CORO1A: variants seen among roughly 807,000 people sequenced by gnomAD.
The protein encoded by CORO1A is coronin 1A.
CORO1A carries 17 observed loss-of-function variants against 44.1 expected under a neutral mutation model. The ratio of observed to expected loss-of-function variants is 0.39; its 90% CI spans 0.26 to 0.58. The LOEUF (loss-of-function observed/expected upper bound fraction) is 0.58, where lower values mean the gene tolerates loss of function less well. Ranked by LOEUF, CORO1A falls within the 20% of genes least tolerant of loss-of-function variation. The pLI is 0.62. For missense variants in CORO1A, 415 were observed against 606.5 expected, an observed-to-expected ratio of 0.68 and a Z score of 3.32; for synonymous variants, 271 against 244.2, an observed-to-expected ratio of 1.11 and a Z score of -1.02.
At chr16:30,185,471 T>C in intron 2 of CORO1A, 64 bp downstream of exon 2, 1 of 1,466,658 alleles carries the variant, frequency 6.8e-7, no homozygotes, top group South Asian at 1.2e-5. Flanking sequence ...GTGCAGGTCC[T>C]GATTAGGTGA....
chr16:30,189,054 TA>T lies in CORO1A; in HGVS notation c.*94del. The T allele has an allele frequency of 7.8e-6, 1 of 128,836 alleles. No homozygotes were observed. The highest frequency in any genetic ancestry group is 1.3e-5 in the Non-Finnish European group (1 of 74,634). 8.0% of individuals were successfully genotyped at this position (128,836 alleles called of 1,614,324 possible). A position where few individuals can be genotyped will look rare whatever the true frequency, so the allele number is the denominator to read the frequency against. ...CACATGGCAGAGAAAAAAATCATAA[TA>T]AAATGGCTTTATTTTCTGGTACCTC... On this transcript the variant is annotated 3_prime_UTR_variant, in exon 11 of 11. Coordinates refer to ENST00000219150, the MANE Select transcript of CORO1A (RefSeq NM_007074.4).
chr16:30,186,892 G>A lies in CORO1A; in HGVS notation c.398G>A (p.Arg133His), dbSNP rs529431628. The stretch of plus-strand genomic sequence containing the variant: ...GTCACCCTGGAGGGCCACACCAAGC[G>A]TGTGGGCATTGTGGCCTGGCACACC... ...PVVTLEGHTK[R>H]VGIVAWHTTA... Residue 133 changes from arginine to histidine, a missense_variant, in exon 4 of 11, where the codon CGT becomes CAT. By Grantham distance (29) the Arg-to-His change is conservative. Transcript: ENST00000219150. 4 of 1,612,466 alleles carry A rather than the reference G, an allele frequency of 2.5e-6. No individual in the cohort carries two copies. Among genetic ancestry groups the A allele is most frequent in the Non-Finnish European group, 3.4e-6 (4 of 1,180,030 alleles).
chr16:30,186,278 A>C, intron 2 of CORO1A: 1 of 395,858 alleles, frequency 2.5e-6, no homozygotes, highest in Non-Finnish European at 4.8e-6. Flanking sequence ...TGCCCATGGA[A>C]GCCTCACTCG....
chr16:30,186,185 C>A, intron 2 of CORO1A: 1 of 307,042 alleles, frequency 3.3e-6, no homozygotes, highest in Non-Finnish European at 6.4e-6. Context: ...ACCCCTGCAG[C>A]CCCACCACTC....
Position 30,188,382 on chromosome 16 carries a change from C to T in CORO1A, c.1087C>T (p.Leu363=). 8 of 1,613,872 alleles carry T rather than the reference C, an allele frequency of 5.0e-6. No homozygotes were observed. Among genetic ancestry groups the T allele is most frequent in the Non-Finnish European group, 5.9e-6 (7 of 1,180,028 alleles). Residue 363 remains leucine, a synonymous_variant, in exon 10 of 11, where the codon CTG becomes TTG. Transcript: ENST00000219150. ...ACAGTCGGACCTGTTCCAGGAGGACCTGTACCCACCCACCGCAGGGCCCGA... is the reference window on the plus strand; with the variant it reads ...ACAGTCGGACCTGTTCCAGGAGGACTTGTACCCACCCACCGCAGGGCCCGA... ...PRKSDLFQED[L]YPPTAGPDPA... is the part of the protein sequence containing the mutation.
chr16:30,187,560 C>T (rs781043486), intron 6 of CORO1A, 59 bp downstream of exon 6: 60 of 1,565,816 alleles, frequency 3.8e-5, no homozygotes, highest in Middle Eastern at 1.7e-4. Flanking sequence ...CTGGAGGTTT[C>T]GTCCCTGCTC....
At position 30,186,905 on chromosome 16, in the gene CORO1A, G is replaced by A. The variant is rs2073342240; in HGVS notation, c.411G>A (p.Val137=). The A allele has an allele frequency of 2.5e-6, 4 of 1,612,580 alleles. No individual in the cohort carries two copies. The highest frequency in any genetic ancestry group is 1.3e-5 in the African/African-American group (1 of 74,928). ...GCCACACCAAGCGTGTGGGCATTGTGGCCTGGCACACCACAGCCCAGAACG... is the reference window on the plus strand; with the variant it reads ...GCCACACCAAGCGTGTGGGCATTGTAGCCTGGCACACCACAGCCCAGAACG... ...LEGHTKRVGI[V]AWHTTAQNVL... is the part of the protein sequence containing the mutation. The change falls in exon 4 of 11, where the codon GTG becomes GTA. Residue 137 remains valine (V), a synonymous_variant. Coordinates refer to ENST00000219150, the MANE Select transcript of CORO1A (RefSeq NM_007074.4).
chr16:30,185,120 G>A (rs993730856), intron 1 of CORO1A, 89 bp from the exon 2 acceptor site: 10 of 1,341,020 alleles, frequency 7.5e-6, no homozygotes, highest in Non-Finnish European at 1.1e-5. Context: ...TTAAAAGCCA[G>A]ACTGAGGGGT....
intron 2 of CORO1A, chr16:30,185,608 C>T: frequency 1.6e-6 from 1 of 607,056 alleles, no homozygotes; most frequent in Non-Finnish European, 2.9e-6. Flanking sequence ...AAGGAGCCAA[C>T]ACAAGATGGG....
In CORO1A at chr16:30,188,911, C is replaced by T; in HGVS notation, c.1333C>T (p.Gln445Ter). 1 of 323,256 alleles carries T rather than the reference C, an allele frequency of 3.1e-6. No homozygotes were observed. The allele number at this position is 323,256 out of a possible 1,614,324, so 20.0% of individuals were successfully genotyped here. ...GATGCGGAAGCTCCAGGCCACGGTG[C>T]AGGAGCTCCAGAAGCGCTTGGACAG... ...EEMRKLQATV[Q>*]ELQKRLDRLE... The change falls in exon 11 of 11, where the codon CAG becomes TAG. Residue 445 changes from glutamine (Q) to a stop codon, truncating the protein, a stop_gained. Coordinates refer to ENST00000219150, the MANE Select transcript of CORO1A (RefSeq NM_007074.4). LOFTEE classifies it high-confidence loss of function.
At position 30,188,442 on chromosome 16, in the gene CORO1A, CG is replaced by C; in HGVS notation, c.1150del (p.Asp384MetfsTer21). ...CACGGCTGAGGAGTGGCTGGGGGGT[CG>C]GGATGCTGGGCCCCTCCTCATCTCC... ...ALTAEEWLGG[R>X]DAGPLLISLK... On this transcript the variant is annotated frameshift_variant, in exon 10 of 11. Transcript: ENST00000219150. LOFTEE classifies it high-confidence loss of function. The C allele has an allele frequency of 6.2e-7, 1 of 1,613,388 alleles. No individual in the cohort carries two copies. The highest frequency in any genetic ancestry group is 8.5e-7 in the Non-Finnish European group (1 of 1,179,968).
chr16:30,184,158 G>A lies in CORO1A; in HGVS notation c.-2+433G>A, dbSNP rs748616446. 1 of 152,516 alleles carries A rather than the reference G, an allele frequency of 6.6e-6. No individual in the cohort carries two copies. The allele number at this position is 152,516 out of a possible 1,614,324, so 9.4% of individuals were successfully genotyped here. Reference sequence around the variant, plus strand: ...TTTCCGGGCCTGGTACCTGTGGTGGGGGAGGAGGCAGGGTGGGGCGATGGC... The same window carrying A: ...TTTCCGGGCCTGGTACCTGTGGTGGAGGAGGAGGCAGGGTGGGGCGATGGC... On this transcript the variant is annotated intron_variant, in intron 1 of 10. Coordinates refer to ENST00000219150, the MANE Select transcript of CORO1A (RefSeq NM_007074.4). This position sits in a 1 kb window ranked among gnomAD's most constrained non-coding sequence, Gnocchi z 4.3.
Position 30,187,834 on chromosome 16 carries a change from C to G in CORO1A, c.861+5C>G. 2 of 1,069,230 alleles carry G rather than the reference C, an allele frequency of 1.9e-6. No individual in the cohort carries two copies. The allele number at this position is 1,069,230 out of a possible 1,614,324, so 66.2% of individuals were successfully genotyped here. A position where few individuals can be genotyped will look rare whatever the true frequency, so the allele number is the denominator to read the frequency against. On this transcript the variant is annotated splice_donor_5th_base_variant and intron_variant, in intron 7 of 10. Coordinates refer to ENST00000219150, the MANE Select transcript of CORO1A (RefSeq NM_007074.4). Reference sequence around the variant, plus strand: ...ATCGTCTACCTCTGTGGCAAGGTGGCCTCGTCGGGCGGGGTGGGGGTGGGA... The same window carrying G: ...ATCGTCTACCTCTGTGGCAAGGTGGGCTCGTCGGGCGGGGTGGGGGTGGGA...
rs748182967 is a variant in CORO1A, at chr16:30,186,628, G to A, written c.229G>A (p.Val77Ile). ...TGRVDKNAPT[V>I]CGHTAPVLDI... ...ACGTGTGGACAAGAATGCGCCCACGGTCTGTGGCCACACAGCCCCTGTGCT... is the reference window on the plus strand; with the variant it reads ...ACGTGTGGACAAGAATGCGCCCACGATCTGTGGCCACACAGCCCCTGTGCT... Residue 77 changes from valine (V) to isoleucine (I), a missense_variant, in exon 3 of 11, where the codon GTC becomes ATC. Transcript: ENST00000219150. The A allele has an allele frequency of 4.3e-6, 7 of 1,612,660 alleles. No individual in the cohort carries two copies. Among genetic ancestry groups the A allele is most frequent in the Non-Finnish European group, 5.9e-6 (7 of 1,180,022 alleles).
rs779895187 is a variant in CORO1A at position 30,187,951 on chromosome 16, T to G, written c.871T>G (p.Ser291Ala). 1 of 1,613,974 alleles carries G rather than the reference T, an allele frequency of 6.2e-7. No individual in the cohort carries two copies. Among genetic ancestry groups the G allele is most frequent in the South Asian group, 1.1e-5 (1 of 91,076 alleles). The change falls in exon 8 of 11, where the codon TCA becomes GCA. Residue 291 changes from serine (S) to alanine (A), a missense_variant. By Grantham distance (99) the Ser-to-Ala change is moderately conservative (BLOSUM62 1). Around this residue, in one of 2 missense-constraint regions of CORO1A, gnomAD observed 325 missense variants for 521.7 expected, o/e 0.62. Transcript: ENST00000219150. ...IVYLCGKGDS[S>A]IRYFEITSEA... The stretch of plus-strand genomic sequence containing the variant: ...CACCTGCCACCTACAGGGTGACAGC[T>G]CAATCCGGTACTTTGAGATCACTTC...
rs548533633 is a variant in CORO1A, at chr16:30,187,183, G to A, written c.596G>A (p.Arg199His). The change falls in exon 5 of 11, where the codon CGC becomes CAC. Residue 199 changes from arginine (R) to histidine (H), a missense_variant. By Grantham distance (29) the Arg-to-His change is conservative. Transcript: ENST00000219150. ...ATTTGTACCTCCTGCCGTGACAAGC[G>A]CGTGCGCATCATCGAGCCCCGCAAA... Reference protein sequence around the residue: ...GLICTSCRDKRVRIIEPRKGT... With the variant: ...GLICTSCRDKHVRIIEPRKGT... 5.6e-6 allele frequency: 9 copies of A among 1,613,688 alleles called. No homozygotes were observed. Among genetic ancestry groups the A allele is most frequent in the Admixed American group, 3.3e-5 (2 of 60,028 alleles).
chr16:30,185,179 G>A (rs2073319108), intron 1 of CORO1A, 30 bp from the exon 2 acceptor site: 1 of 1,610,764 alleles, frequency 6.2e-7, no homozygotes, highest in South Asian at 1.1e-5. Flanking sequence ...GACCTGAAGG[G>A]AGAAATGCTC....
chr16:30,187,672 G>T, intron 6 of CORO1A, 53 bp from the exon 7 acceptor site: 1 of 1,504,880 alleles, frequency 6.6e-7, no homozygotes, highest in South Asian at 1.1e-5. Context: ...TCACTGCCCA[G>T]GGAAGACCAC....
chr16:30,185,169 G>C (rs764338389), intron 1 of CORO1A, 40 bp from the exon 2 acceptor site: 1 of 1,603,704 alleles, frequency 6.2e-7, no homozygotes, highest in Admixed American at 1.7e-5. Context: ...GATCAGAGTT[G>C]ACCTGAAGGG....
Sources: gnomAD v4.1 joint callset for allele counts on GRCh38, gnomAD v4.1.1 for gene constraint, gnomAD v4.1.1 regional missense constraint, Gnocchi (gnomAD v3.1) non-coding constraint, MANE v1.5 for transcripts, NCBI Gene and HGNC (gene_info 2026-07-23, HGNC 2026-07-21) for gene names.